Variants in CHD3 observed in about 807,000 individuals in gnomAD.
CHD3 encodes chromodomain helicase DNA binding protein 3, also known as ATP-dependent chromatin remodeler CHD3.
In CHD3, 52 loss-of-function variants were observed where a neutral mutation model predicts 248.9. The ratio of observed to expected loss-of-function variants is 0.21; its 90% CI spans 0.17 to 0.26. The LOEUF is 0.26. Ranked by LOEUF, CHD3 falls within the 10% of genes least tolerant of loss-of-function variation. CHD3 has a pLI of 1.00. For synonymous variants in CHD3, 985 were observed against 985.2 expected (o/e 1.00, Z 0.00); for missense variants, 1,482 against 2,605.8 (o/e 0.57, Z 9.39).
intron 20 of CHD3, among the ~76,000 whole-genome samples, chr17:7,902,266 A>G (rs954384929): frequency 6.6e-6 from 1 of 151,944 alleles, no homozygotes; most frequent in Non-Finnish European, 1.5e-5. Flanking sequence ...TACTTAAAAT[A>G]CAAAAATTAG....
rs1969480953 is a variant in CHD3 at position 7,895,267 on chromosome 17, C to T, written c.1504-72C>T. The T allele has an allele frequency of 1.3e-6, 2 of 1,588,460 alleles. No individual in the cohort carries two copies. Among genetic ancestry groups the T allele is most frequent in the Admixed American group, 3.4e-5 (2 of 58,956 alleles). ...GCACTCCCCCACCCTTGTGGGACCC[C>T]TATCTTCTCATCTAACAATGGGTTC... On this transcript the variant is annotated intron_variant, in intron 9 of 39. Transcript: ENST00000330494. This position sits in a 1 kb window ranked among gnomAD's most constrained non-coding sequence, Gnocchi z 4.9.
At chr17:7,893,198 A>G in intron 4 of CHD3, 88 bp from the exon 5 acceptor site, 29 of 1,463,436 alleles carry the variant, frequency 2.0e-5, no homozygotes, top group Non-Finnish European at 2.5e-5. Flanking sequence ...GAATCCTAGC[A>G]TGTACATAGA....
chr17:7,909,450 C>T lies in CHD3; in HGVS notation c.5590+112C>T. The T allele has an allele frequency of 7.2e-7, 1 of 1,384,822 alleles. No homozygotes were observed. The highest frequency in any genetic ancestry group is 2.6e-5 in the East Asian group (1 of 38,962). 85.8% of individuals were successfully genotyped at this position (1,384,822 alleles called of 1,614,324 possible). On this transcript the variant is annotated intron_variant, in intron 37 of 39. Transcript: ENST00000330494. This position sits in a 1 kb window ranked among gnomAD's most constrained non-coding sequence, Gnocchi z 8.1. ...CTGACCCCTCTACCTGCTGAACCAT[C>T]CCCCTCTGACCTCTAACCCCACTCC...
In CHD3 at chr17:7,909,559, G is replaced by C; in HGVS notation, c.5590+221G>C. The C allele has an allele frequency of 3.1e-6, 2 of 641,238 alleles. No individual in the cohort carries two copies. The highest frequency in any genetic ancestry group is 5.1e-6 in the Non-Finnish European group (2 of 388,390). The allele number at this position is 641,238 out of a possible 1,614,324, so 39.7% of individuals were successfully genotyped here. ...TCCATGTCTGATAGCATTCACATCCGTGCCCAATAGAGGGACCTGCCCCAG... is the reference window on the plus strand; with the variant it reads ...TCCATGTCTGATAGCATTCACATCCCTGCCCAATAGAGGGACCTGCCCCAG... On this transcript the variant is annotated intron_variant, in intron 37 of 39. Coordinates refer to ENST00000330494, the MANE Select transcript of CHD3 (RefSeq NM_001005273.3). The surrounding 1 kb of genome is among the most constrained non-coding windows in gnomAD (Gnocchi z 8.1).
chr17:7,906,122 T>C lies in CHD3; in HGVS notation c.4358+133T>C, dbSNP rs1970901130. 2 of 1,370,612 alleles carry C rather than the reference T, an allele frequency of 1.5e-6. No homozygotes were observed. Among genetic ancestry groups the C allele is most frequent in the African/African-American group, 2.8e-5 (2 of 70,492 alleles). 84.9% of individuals were successfully genotyped at this position (1,370,612 alleles called of 1,614,324 possible). On this transcript the variant is annotated intron_variant, in intron 28 of 39. Coordinates refer to ENST00000330494, the MANE Select transcript of CHD3 (RefSeq NM_001005273.3). The surrounding 1 kb of genome is among the most constrained non-coding windows in gnomAD (Gnocchi z 5.0). ...ACCCTCCCTGTCATACAATACTTCC[T>C]GGCTCGATTTCCTGGGGGGTGGTCT... is the stretch of plus-strand genomic sequence containing the variant.
chr17:7,908,020 GTTGGGGAGAC>G lies in CHD3; in HGVS notation c.5152+3_5152+12del. ...AATATCGCCGATGGTGGCTTCACAG[GTTGGGGAGAC>G]TCTCGCTGCTTTCTGCTCCTCAAGG... On this transcript the variant is annotated splice_donor_variant and splice_donor_5th_base_variant and intron_variant, in intron 34 of 39. Coordinates refer to ENST00000330494, the MANE Select transcript of CHD3 (RefSeq NM_001005273.3). LOFTEE classifies it high-confidence loss of function. This position sits in a 1 kb window ranked among gnomAD's most constrained non-coding sequence, Gnocchi z 5.8. The G allele has an allele frequency of 6.3e-7, 1 of 1,596,318 alleles. No homozygotes were observed. Among genetic ancestry groups the G allele is most frequent in the South Asian group, 1.1e-5 (1 of 90,068 alleles).
In CHD3 at chr17:7,910,305, T is replaced by G; in HGVS notation, c.5591-123T>G. The stretch of plus-strand genomic sequence containing the variant: ...TTGATCTCTGGTTCTTTGACATCTG[T>G]GTTCTCCTCTCTCGCTCTTTTTCTG... On this transcript the variant is annotated intron_variant, in intron 37 of 39. Transcript: ENST00000330494. The surrounding 1 kb of genome is among the most constrained non-coding windows in gnomAD (Gnocchi z 4.7). 3 of 1,168,106 alleles carry G rather than the reference T, an allele frequency of 2.6e-6. No individual in the cohort carries two copies. Among genetic ancestry groups the G allele is most frequent in the Non-Finnish European group, 3.8e-6 (3 of 779,902 alleles). 72.4% of individuals were successfully genotyped at this position (1,168,106 alleles called of 1,614,324 possible).
chr17:7,911,927 C>G lies in CHD3; in HGVS notation c.*342C>G, dbSNP rs1289335619. 1 of 395,286 alleles carries G rather than the reference C, an allele frequency of 2.5e-6. No individual in the cohort carries two copies. The highest frequency in any genetic ancestry group is 4.6e-6 in the Non-Finnish European group (1 of 215,602). The allele number at this position is 395,286 out of a possible 1,614,324, so 24.5% of individuals were successfully genotyped here. ...GGGGAGGAAAGAGGTGGAGCCTCCC[C>G]AGCCGTTTCCCTGCAGAATCAGCTC... On this transcript the variant is annotated 3_prime_UTR_variant, in exon 40 of 40. Coordinates refer to ENST00000330494, the MANE Select transcript of CHD3 (RefSeq NM_001005273.3). The surrounding 1 kb of genome is among the most constrained non-coding windows in gnomAD (Gnocchi z 5.4).
intron 20 of CHD3, among the ~76,000 whole-genome samples, chr17:7,902,158 C>T (rs943974519): frequency 6.6e-6 from 1 of 151,998 alleles, no homozygotes; most frequent in African/African-American, 2.4e-5. Flanking sequence ...TGGTGGCTCA[C>T]ACCTGTAATC....
In CHD3 at chr17:7,906,231, C is replaced by T. The variant is rs1970929184; in HGVS notation, c.4358+242C>T. ...AGGGGAGGGGCGTTGAAGCAAGGAG[C>T]CTCTCCTGGGCTGTCCTAGCCTCAC... On this transcript the variant is annotated intron_variant, in intron 28 of 39. Transcript: ENST00000330494. This position sits in a 1 kb window ranked among gnomAD's most constrained non-coding sequence, Gnocchi z 5.0. 1.3e-6 allele frequency: 1 copy of T among 764,222 alleles called. No individual in the cohort carries two copies. The highest frequency in any genetic ancestry group is 1.7e-5 in the African/African-American group (1 of 58,914). 47.3% of individuals were successfully genotyped at this position (764,222 alleles called of 1,614,324 possible).
Position 7,895,247 on chromosome 17 carries a change from C to T in CHD3, c.1504-92C>T, listed in dbSNP as rs1302740010. The T allele has an allele frequency of 8.2e-6, 13 of 1,579,540 alleles. No individual in the cohort carries two copies. Among genetic ancestry groups the T allele is most frequent in the Non-Finnish European group, 1.1e-5 (13 of 1,158,488 alleles). ...GTCCAGCTTTTCATTTCTCTGCACT[C>T]CCCCACCCTTGTGGGACCCCTATCT... On this transcript the variant is annotated intron_variant, in intron 9 of 39. Coordinates refer to ENST00000330494, the MANE Select transcript of CHD3 (RefSeq NM_001005273.3). The surrounding 1 kb of genome is among the most constrained non-coding windows in gnomAD (Gnocchi z 4.9).
rs1177660660 is a variant in CHD3, at chr17:7,897,934, T to C, written c.1920-37T>C. The C allele has an allele frequency of 6.3e-7, 1 of 1,596,418 alleles. No individual in the cohort carries two copies. Among genetic ancestry groups the C allele is most frequent in the Non-Finnish European group, 8.5e-7 (1 of 1,172,492 alleles). On this transcript the variant is annotated intron_variant, in intron 11 of 39. Coordinates refer to ENST00000330494, the MANE Select transcript of CHD3 (RefSeq NM_001005273.3). This position sits in a 1 kb window ranked among gnomAD's most constrained non-coding sequence, Gnocchi z 4.8. ...TTCTGTTTGTGATCTGTGCAATATT[T>C]TCCTCCTGCTCCTCCCCATGGCCTC...
rs749096335 is a variant in CHD3, at chr17:7,907,587, AC to A, written c.4925-9del. ...GTAACATCCTCCCTTCCTATCCCCT[AC>A]CCCCTCCCACAGCCACAGAGTCGAC... On this transcript the variant is annotated splice_polypyrimidine_tract_variant and intron_variant, in intron 32 of 39. Transcript: ENST00000330494. This position sits in a 1 kb window ranked among gnomAD's most constrained non-coding sequence, Gnocchi z 4.3. 3.3e-6 allele frequency: 5 copies of A among 1,507,090 alleles called. No homozygotes were observed. Among genetic ancestry groups the A allele is most frequent in the Non-Finnish European group, 4.4e-6 (5 of 1,130,380 alleles). The allele number at this position is 1,507,090 out of a possible 1,614,324, so 93.4% of individuals were successfully genotyped here. A position where few individuals can be genotyped will look rare whatever the true frequency, so the allele number is the denominator to read the frequency against.
At position 7,894,110 on chromosome 17, in the gene CHD3, GGC is replaced by G; in HGVS notation, c.925-4_925-3del. 3 of 1,603,000 alleles carry G rather than the reference GGC, an allele frequency of 1.9e-6. No homozygotes were observed. Among genetic ancestry groups the G allele is most frequent in the Non-Finnish European group, 2.6e-6 (3 of 1,173,344 alleles). On this transcript the variant is annotated splice_region_variant and splice_polypyrimidine_tract_variant and intron_variant, in intron 6 of 39. Transcript: ENST00000330494. The stretch of plus-strand genomic sequence containing the variant: ...CCTCACTGACGGCCACGGGGCTATG[GGC>G]AGTATGTTTTTCAGAGCGACGAAGG...
intron 4 of CHD3, 53 bp downstream of exon 4, chr17:7,891,117 G>A (rs1968790744): frequency 1.3e-6 from 2 of 1,595,452 alleles, no homozygotes; most frequent in East Asian, 2.2e-5. Context: ...TTTGAGGGAG[G>A]TCCTGGACCC....
Position 7,897,008 on chromosome 17 carries a change from G to T in CHD3, c.1708-75G>T, listed in dbSNP as rs189110559. The T allele has an allele frequency of 1.5e-5, 19 of 1,248,342 alleles. No individual in the cohort carries two copies. Among genetic ancestry groups the T allele is most frequent in the Non-Finnish European group, 1.9e-5 (16 of 855,590 alleles). 77.3% of individuals were successfully genotyped at this position (1,248,342 alleles called of 1,614,324 possible). A position where few individuals can be genotyped will look rare whatever the true frequency, so the allele number is the denominator to read the frequency against. ...CTTTCCCTGTCCCATTCCTCCTGCCGGCCTCTTCCCGGTTCCTTGTTGTCC... is the reference window on the plus strand; with the variant it reads ...CTTTCCCTGTCCCATTCCTCCTGCCTGCCTCTTCCCGGTTCCTTGTTGTCC... On this transcript the variant is annotated intron_variant, in intron 10 of 39. Transcript: ENST00000330494. This position sits in a 1 kb window ranked among gnomAD's most constrained non-coding sequence, Gnocchi z 4.8.
chr17:7,897,400 C>A lies in CHD3; in HGVS notation c.1919+106C>A. On this transcript the variant is annotated intron_variant, in intron 11 of 39. Transcript: ENST00000330494. This position sits in a 1 kb window ranked among gnomAD's most constrained non-coding sequence, Gnocchi z 4.8. ...CTGATTAACCAGGTAATTGATCTAA[C>A]CTTGATAACCTCTGCTGTAGCTCCA... 1 of 965,066 alleles carries A rather than the reference C, an allele frequency of 1.0e-6. No homozygotes were observed. Among genetic ancestry groups the A allele is most frequent in the Non-Finnish European group, 1.6e-6 (1 of 633,178 alleles). The allele number at this position is 965,066 out of a possible 1,614,324, so 59.8% of individuals were successfully genotyped here. A position where few individuals can be genotyped will look rare whatever the true frequency, so the allele number is the denominator to read the frequency against.
Position 7,911,057 on chromosome 17 carries a change from C to A in CHD3, c.5881+84C>A. 1 of 1,553,972 alleles carries A rather than the reference C, an allele frequency of 6.4e-7. No homozygotes were observed. Among genetic ancestry groups the A allele is most frequent in the Non-Finnish European group, 8.8e-7 (1 of 1,137,790 alleles). ...TCTGCTCAGCTGCCCTTTAACTGCT[C>A]TAGTCCATCTCATTTCCTTGGTGGT... On this transcript the variant is annotated intron_variant, in intron 39 of 39. Transcript: ENST00000330494. The surrounding 1 kb of genome is among the most constrained non-coding windows in gnomAD (Gnocchi z 5.4).
Position 7,906,184 on chromosome 17 carries a change from AGAGGGGCCAGGCATCCTCCCCAGGG to A in CHD3, c.4358+203_4358+227del. 1.1e-6 allele frequency: 1 copy of A among 892,022 alleles called. No homozygotes were observed. Among genetic ancestry groups the A allele is most frequent in the Non-Finnish European group, 1.9e-6 (1 of 535,664 alleles). 55.3% of individuals were successfully genotyped at this position (892,022 alleles called of 1,614,324 possible). A position where few individuals can be genotyped will look rare whatever the true frequency, so the allele number is the denominator to read the frequency against. ...ACCTCCCCTCAGCCGAGCCTAGAGT[AGAGGGGCCAGGCATCCTCCCCAGGG>A]GAGGGGCGTTGAAGCAAGGAGCCTC... On this transcript the variant is annotated intron_variant, in intron 28 of 39. Transcript: ENST00000330494. This position sits in a 1 kb window ranked among gnomAD's most constrained non-coding sequence, Gnocchi z 5.0.
Sources: gnomAD v4.1 joint callset for allele counts (sites outside exome capture counted in the v4.1 genomes callset) on GRCh38, gnomAD v4.1.1 for gene constraint, Gnocchi (gnomAD v3.1) non-coding constraint, MANE v1.5 for transcripts, NCBI Gene and HGNC (gene_info 2026-07-23, HGNC 2026-07-21) for gene names.